PRKN: variants seen among roughly 807,000 people sequenced by gnomAD.
The protein encoded by PRKN is parkin RBR E3 ubiquitin protein ligase, also known as E3 ubiquitin-protein ligase parkin.
PRKN carries 56 observed loss-of-function variants against 59.5 expected under a neutral mutation model. The observed-to-expected ratio is 0.94, with a 90% CI of 0.76 to 1.18. PRKN has a LOEUF of 1.18. Ranked by LOEUF, PRKN falls within the 50% of genes most tolerant of loss-of-function variation. The pLI is 0.00. For missense variants in PRKN, 657 were observed against 596.4 expected (o/e 1.10, Z -1.06); for synonymous variants, 250 against 222.1 (o/e 1.13, Z -1.12).
chr6:162,386,272 CCA>C (rs1350710497), intron 2 of PRKN, among the ~76,000 whole-genome samples: 3 of 152,200 alleles, frequency 2.0e-5, no homozygotes, highest in African/African-American at 7.2e-5. Context: ...TTTAACCGTG[CCA>C]CAGTGTCTGT....
intron 2 of PRKN, among the ~76,000 whole-genome samples, chr6:162,367,356 T>C (rs1488789370): frequency 1.3e-5 from 2 of 152,200 alleles, no homozygotes; most frequent in Admixed American, 1.3e-4. Context: ...GCTAATACAC[T>C]GTTTTTTCGC....
At chr6:161,652,367 A>G (rs1437325913) in intron 7 of PRKN, among the ~76,000 whole-genome samples, 2 of 43,966 alleles carry the variant, frequency 4.5e-5, no homozygotes, top group Non-Finnish European at 8.6e-5. Flanking sequence ...CATTAATTTA[A>G]ATTTAAAGCC....
At chr6:162,431,990 C>T (rs1057512246) in intron 2 of PRKN, among the ~76,000 whole-genome samples, 3 of 152,224 alleles carry the variant, frequency 2.0e-5, no homozygotes, top group African/African-American at 4.8e-5. Context: ...AGAATTTCCC[C>T]CCTTTATCAT....
chr6:161,918,041 T>C (rs891072856), intron 6 of PRKN, among the ~76,000 whole-genome samples: 1 of 152,244 alleles, frequency 6.6e-6, no homozygotes, highest in African/African-American at 2.4e-5. Context: ...GCGACTGTTT[T>C]TCTGTTTGCA....
chr6:162,538,534 G>GC (rs1424714766), intron 1 of PRKN, among the ~76,000 whole-genome samples: 2 of 152,174 alleles, frequency 1.3e-5, no homozygotes, highest in Non-Finnish European at 2.9e-5. Context: ...AGTTTGGTGT[G>GC]CTATGTGGTG....
At chr6:162,548,217 G>A (rs550870586) in intron 1 of PRKN, among the ~76,000 whole-genome samples, 10 of 152,024 alleles carry the variant, frequency 6.6e-5, no homozygotes, top group African/African-American at 1.9e-4. Context: ...ACGCCACTAC[G>A]CCCAGCTAAT....
intron 2 of PRKN, among the ~76,000 whole-genome samples, chr6:162,349,192 G>C (rs1784524236): frequency 6.6e-6 from 1 of 151,954 alleles, no homozygotes; most frequent in Non-Finnish European, 1.5e-5. Context: ...GACTGGCCTG[G>C]CACGGTGGCT....
intron 2 of PRKN, among the ~76,000 whole-genome samples, chr6:162,296,605 C>T (rs1246566865): frequency 6.6e-6 from 1 of 152,052 alleles, no homozygotes; most frequent in East Asian, 1.9e-4. Flanking sequence ...TTATTATGTG[C>T]CAATCACATT....
At chr6:162,688,459 A>G (rs1406353629) in intron 1 of PRKN, among the ~76,000 whole-genome samples, 1 of 152,228 alleles carries the variant, frequency 6.6e-6, no homozygotes, top group Non-Finnish European at 1.5e-5. Context: ...ATAAAAATTT[A>G]AAAATAGGTC....
At chr6:162,631,277 A>C (rs185410543) in intron 1 of PRKN, among the ~76,000 whole-genome samples, 2 of 152,290 alleles carry the variant, frequency 1.3e-5, no homozygotes, top group Admixed American at 1.3e-4. Context: ...AATAGTCTAT[A>C]AATTCAATGT....
intron 3 of PRKN, among the ~76,000 whole-genome samples, chr6:162,228,586 C>A (rs1315059568): frequency 6.6e-6 from 1 of 152,152 alleles, no homozygotes; most frequent in Non-Finnish European, 1.5e-5. Context: ...TCTCACTTTG[C>A]TGAAAGATCG....
intron 7 of PRKN, among the ~76,000 whole-genome samples, chr6:161,622,006 G>T (rs1782921449): frequency 6.6e-6 from 1 of 152,158 alleles, no homozygotes; most frequent in South Asian, 2.1e-4. Context: ...CTTACCACGT[G>T]TATGCCGCCT....
chr6:161,772,699 T>C (rs141951734), intron 7 of PRKN, among the ~76,000 whole-genome samples: 1 of 152,312 alleles, frequency 6.6e-6, no homozygotes, highest in African/African-American at 2.4e-5. Flanking sequence ...TGCTTTTAAA[T>C]CTCTGATTGT....
intron 4 of PRKN, among the ~76,000 whole-genome samples, chr6:162,115,681 C>A (rs771358470): frequency 6.7e-6 from 1 of 150,254 alleles, no homozygotes; most frequent in African/African-American, 2.5e-5. Flanking sequence ...CTTGAGTGTT[C>A]GGAGGATCAT....
At chr6:162,174,677 G>T (rs1783452106) in intron 4 of PRKN, among the ~76,000 whole-genome samples, 1 of 152,124 alleles carries the variant, frequency 6.6e-6, no homozygotes. Flanking sequence ...TTCAAGGCAT[G>T]TTTCTTATTT....
chr6:161,725,291 A>C (rs1416441297), intron 7 of PRKN, among the ~76,000 whole-genome samples: 1 of 152,218 alleles, frequency 6.6e-6, no homozygotes, highest in Non-Finnish European at 1.5e-5. Context: ...GGAATTATAA[A>C]GACAATGGGT....
chr6:161,918,625 C>G (rs368927234), intron 6 of PRKN, among the ~76,000 whole-genome samples: 12 of 152,144 alleles, frequency 7.9e-5, no homozygotes, highest in Admixed American at 6.5e-4. Flanking sequence ...TTTGTACCCA[C>G]AAAATGCTTA....
At position 161,551,876 on chromosome 6, in the gene PRKN, T is replaced by C. The variant is rs529159231; in HGVS notation, c.934-2873A>G. The stretch of plus-strand genomic sequence containing the variant: ...TTAAGCCAGAGAAAGAGCTCTGTCC[T>C]TGAGTAGGTTGGAGGGGAGGATCTA... On this transcript the variant is annotated intron_variant, in intron 8 of 11. Coordinates refer to ENST00000366898, the MANE Select transcript of PRKN (RefSeq NM_004562.3). The surrounding 1 kb of genome is among the most constrained non-coding windows in gnomAD (Gnocchi z 5.2). 6.6e-6 allele frequency among the ~76,000 whole-genome samples: 1 copy of C among 152,216 alleles called. No homozygotes were observed. Among genetic ancestry groups the C allele is most frequent in the East Asian group, 1.9e-4 (1 of 5,162 alleles).
intron 7 of PRKN, among the ~76,000 whole-genome samples, chr6:161,660,389 G>A (rs927533545): frequency 2.0e-5 from 3 of 152,082 alleles, no homozygotes; most frequent in South Asian, 2.1e-4. Flanking sequence ...GGATGAATAC[G>A]GTAGTTACGA....
Sources: gnomAD v4.1 joint callset for allele counts (sites outside exome capture counted in the v4.1 genomes callset) on GRCh38, gnomAD v4.1.1 for gene constraint, Gnocchi (gnomAD v3.1) non-coding constraint, MANE v1.5 for transcripts, NCBI Gene and HGNC (gene_info 2026-07-23, HGNC 2026-07-21) for gene names.